The following DLGAP2 variants were observed in gnomAD, a reference collection of about 807,000 sequenced individuals.
DLGAP2 encodes the protein DLG associated protein 2.
A neutral mutation model predicts 100.3 loss-of-function variants in DLGAP2; 26 were observed. The observed-to-expected ratio is 0.26, with a 90% CI of 0.19 to 0.36. The LOEUF is 0.36. Ranked by LOEUF, DLGAP2 falls within the 10% of genes least tolerant of loss-of-function variation. The pLI is 1.00. For missense variants in DLGAP2, 1,858 were observed against 1,453.2 expected, an observed-to-expected ratio of 1.28 and a Z score of -4.53; for synonymous variants, 886 against 630.1, an observed-to-expected ratio of 1.41 and a Z score of -6.08.
At chr8:1,008,796 C>T (rs1395089698) in intron 2 of DLGAP2, among the ~76,000 whole-genome samples, 1 of 152,214 alleles carries the variant, frequency 6.6e-6, no homozygotes, top group Admixed American at 6.5e-5. Flanking sequence ...TGGTGCTGCG[C>T]CCCCACTGGT....
rs780485577 is a variant in DLGAP2, at chr8:1,633,018, C to T, written c.1782C>T (p.Asp594=). ...DECIPMMTPS[D]ITSTIRSTAA... ...GTATTCCCATGATGACACCCTCTGACATCACCTCCACCATCAGGTCAACAG... is the reference window on the plus strand; with the variant it reads ...GTATTCCCATGATGACACCCTCTGATATCACCTCCACCATCAGGTCAACAG... Residue 594 remains aspartate (D), a synonymous_variant, in exon 8 of 15, where the codon GAC becomes GAT. Coordinates refer to ENST00000637795, the MANE Select transcript of DLGAP2 (RefSeq NM_001346810.2). 1 of 1,613,996 alleles carries T rather than the reference C, an allele frequency of 6.2e-7. No individual in the cohort carries two copies. The highest frequency in any genetic ancestry group is 8.5e-7 in the Non-Finnish European group (1 of 1,179,888).
intron 2 of DLGAP2, among the ~76,000 whole-genome samples, chr8:998,867 G>C (rs1379418886): frequency 6.6e-6 from 1 of 152,086 alleles, no homozygotes. Flanking sequence ...ATGTGTTGTG[G>C]CATCCCTGTC....
In DLGAP2 at chr8:1,477,215, G is replaced by C. The variant is rs78459002; in HGVS notation, c.107-24151G>C. Among the ~76,000 whole-genome samples, 782 of 152,312 alleles carry C rather than the reference G, an allele frequency of 5.1e-3. 6 individuals are homozygous for C. Among genetic ancestry groups the C allele is most frequent in the African/African-American group, 0.018 (744 of 41,564 alleles). On this transcript the variant is annotated intron_variant, in intron 3 of 14. Coordinates refer to ENST00000637795, the MANE Select transcript of DLGAP2 (RefSeq NM_001346810.2). Reference sequence around the variant, plus strand: ...GGATGCGCACCTGTCCAGGATGAGAGATCCCACCCACCCTCTTTGCCTAGG... The same window carrying C: ...GGATGCGCACCTGTCCAGGATGAGACATCCCACCCACCCTCTTTGCCTAGG...
chr8:912,359 C>T (rs939483826), intron 2 of DLGAP2, among the ~76,000 whole-genome samples: 8 of 152,134 alleles, frequency 5.3e-5, no homozygotes, highest in South Asian at 4.2e-4. Flanking sequence ...GTGGAACTGA[C>T]GGTTGCTTAT....
chr8:1,159,271 T>G (rs1796846839), intron 2 of DLGAP2, among the ~76,000 whole-genome samples: 1 of 152,250 alleles, frequency 6.6e-6, no homozygotes, highest in Non-Finnish European at 1.5e-5. Context: ...TTTATCTGTC[T>G]CAAGAGTCTC....
intron 1 of DLGAP2, among the ~76,000 whole-genome samples, chr8:761,056 G>C (rs1431129756): frequency 6.6e-6 from 1 of 152,200 alleles, no homozygotes; most frequent in South Asian, 2.1e-4. Context: ...TCGAGTGTTT[G>C]CCTGTGCCGG....
At chr8:944,668 T>C (rs547637900) in intron 2 of DLGAP2, among the ~76,000 whole-genome samples, 2 of 151,882 alleles carry the variant, frequency 1.3e-5, no homozygotes, top group South Asian at 2.1e-4. Flanking sequence ...TGGGTGGTAA[T>C]GATCCCTGCG....
intron 2 of DLGAP2, among the ~76,000 whole-genome samples, chr8:1,017,794 C>G (rs1487715367): frequency 1.3e-5 from 2 of 151,992 alleles, no homozygotes; most frequent in African/African-American, 4.8e-5. Context: ...AAGTGGCCAC[C>G]TCACTCCTCT....
At chr8:1,206,145 A>T (rs925517024) in intron 2 of DLGAP2, among the ~76,000 whole-genome samples, 2 of 152,214 alleles carry the variant, frequency 1.3e-5, no homozygotes, top group African/African-American at 4.8e-5. Flanking sequence ...GGTGGATCAC[A>T]AAGGAGTTTG....
intron 3 of DLGAP2, among the ~76,000 whole-genome samples, chr8:1,270,348 T>C (rs1191182059): frequency 2.0e-5 from 3 of 152,206 alleles, no homozygotes; most frequent in African/African-American, 7.2e-5. Context: ...ACCTGTGATG[T>C]GGGCAATGGG....
chr8:1,524,091 A>G (rs1204143376), intron 4 of DLGAP2, among the ~76,000 whole-genome samples: 3 of 152,158 alleles, frequency 2.0e-5, no homozygotes, highest in Admixed American at 6.5e-5. Flanking sequence ...CGGTGCCTCC[A>G]CTCTGGACGG....
At chr8:1,413,544 G>T (rs1478413778) in intron 3 of DLGAP2, among the ~76,000 whole-genome samples, 3 of 152,184 alleles carry the variant, frequency 2.0e-5, no homozygotes, top group East Asian at 1.9e-4. Flanking sequence ...TAATGGAAAT[G>T]AAAAAATGTT....
intron 3 of DLGAP2, among the ~76,000 whole-genome samples, chr8:1,276,375 C>G (rs1013036919): frequency 5.3e-5 from 8 of 152,062 alleles, no homozygotes; most frequent in Non-Finnish European, 1.2e-4. Context: ...CGGGCACTAT[C>G]AGATGGAACC....
chr8:1,280,466 A>T (rs906131292), intron 3 of DLGAP2, among the ~76,000 whole-genome samples: 7 of 152,208 alleles, frequency 4.6e-5, no homozygotes, highest in African/African-American at 1.7e-4. Flanking sequence ...TAGCGTTTTT[A>T]AACAGGAAGG....
chr8:1,623,864 A>C (rs1027668024), intron 6 of DLGAP2, among the ~76,000 whole-genome samples: 1 of 152,260 alleles, frequency 6.6e-6, no homozygotes, highest in Non-Finnish European at 1.5e-5. Flanking sequence ...TTGTGAGTCT[A>C]TGTTTTAAAA....
chr8:1,419,611 C>G (rs1401124634), intron 3 of DLGAP2, among the ~76,000 whole-genome samples: 1 of 152,144 alleles, frequency 6.6e-6, no homozygotes. Context: ...GCTCCAGTAT[C>G]CAGCATCGCA....
chr8:1,482,647 C>T (rs1204117547), intron 3 of DLGAP2, among the ~76,000 whole-genome samples: 3 of 152,226 alleles, frequency 2.0e-5, no homozygotes, highest in Admixed American at 2.0e-4. Flanking sequence ...CCCCTCCCCA[C>T]GGTTTCCGGG....
intron 8 of DLGAP2, among the ~76,000 whole-genome samples, chr8:1,659,968 C>T (rs970610979): frequency 2.0e-5 from 3 of 152,146 alleles, no homozygotes; most frequent in African/African-American, 7.2e-5. Flanking sequence ...CATGTTTTTG[C>T]AGTGGCTGGT....
At chr8:1,097,661 G>A (rs370988806) in intron 2 of DLGAP2, among the ~76,000 whole-genome samples, 3 of 139,556 alleles carry the variant, frequency 2.1e-5, no homozygotes, top group South Asian at 2.3e-4. Flanking sequence ...GGAGCCCGGG[G>A]CAGGCCTTCA....
Sources: gnomAD v4.1 joint callset for allele counts (sites outside exome capture counted in the v4.1 genomes callset) on GRCh38, gnomAD v4.1.1 for gene constraint, MANE v1.5 for transcripts, NCBI Gene and HGNC (gene_info 2026-07-23, HGNC 2026-07-21) for gene names.